Variants in RAD54B observed in about 807,000 individuals in gnomAD.
RAD54B encodes DNA repair and recombination protein RAD54B.
In RAD54B, 78 loss-of-function variants were observed where a neutral mutation model predicts 95.8. That is an observed-to-expected ratio of 0.81 (90% CI 0.68 to 0.98). The LOEUF (loss-of-function observed/expected upper bound fraction) is 0.98. Among genes scored for constraint, RAD54B ranks in the 50% least tolerant of loss-of-function variants. The pLI is 0.00. For missense variants in RAD54B, 957 were observed against 1,056.6 expected (o/e 0.91, Z 1.31); for synonymous variants, 328 against 354.9 (o/e 0.92, Z 0.85).
intron 3 of RAD54B, among the ~76,000 whole-genome samples, chr8:94,417,880 T>C (rs533592083): frequency 6.6e-6 from 1 of 152,308 alleles, no homozygotes; most frequent in South Asian, 2.1e-4. Flanking sequence ...CCACCAAAGT[T>C]GTTTTCTGAG....
At chr8:94,389,247 C>T (rs66514568) in intron 10 of RAD54B, among the ~76,000 whole-genome samples, 5,858 of 152,262 alleles carry the variant, frequency 0.038, 184 homozygotes, top group Non-Finnish European at 0.06. Flanking sequence ...GAGCCACCGC[C>T]CTGGCCAAGA....
intron 3 of RAD54B, among the ~76,000 whole-genome samples, chr8:94,438,438 T>C (rs1020892290): frequency 1.3e-5 from 2 of 152,204 alleles, no homozygotes; most frequent in Non-Finnish European, 2.9e-5. Context: ...CAAATGATTC[T>C]TGTCCATAGA....
chr8:94,423,893 T>C (rs1435573707), intron 3 of RAD54B, among the ~76,000 whole-genome samples: 1 of 152,232 alleles, frequency 6.6e-6, no homozygotes, highest in Non-Finnish European at 1.5e-5. Flanking sequence ...TGTGTTTCTC[T>C]GTTTTTATTA....
intron 13 of RAD54B, 85 bp downstream of exon 13, chr8:94,378,483 T>C (rs978657783): frequency 1.4e-6 from 2 of 1,431,260 alleles, no homozygotes; most frequent in South Asian, 1.3e-5. Context: ...TAACAATATA[T>C]TCCTGACACT....
chr8:94,460,949 C>G (rs1185463969), intron 2 of RAD54B, among the ~76,000 whole-genome samples: 2 of 152,004 alleles, frequency 1.3e-5, no homozygotes, highest in African/African-American at 2.4e-5. Flanking sequence ...TCAGATCATC[C>G]AGGGTAACCT....
chr8:94,432,796 C>T lies in RAD54B; in HGVS notation c.305-21481G>A, dbSNP rs1395963553. ...TTACAAAATAAAAAAAAATCTTAAA[C>T]ACTTGAAATACATTAAAGTGACTAA... On this transcript the variant is annotated intron_variant, in intron 3 of 14. Coordinates refer to ENST00000336148, the MANE Select transcript of RAD54B (RefSeq NM_012415.3). 1.6e-5 allele frequency: 18 copies of T among 1,131,238 alleles called. No individual in the cohort carries two copies. In the Admixed American group the frequency reaches 2.8e-4, roughly 18 times the overall value. 70.1% of individuals were successfully genotyped at this position (1,131,238 alleles called of 1,614,324 possible).
chr8:94,464,668 T>C (rs1460535424), intron 2 of RAD54B, among the ~76,000 whole-genome samples: 1 of 152,228 alleles, frequency 6.6e-6, no homozygotes, highest in Non-Finnish European at 1.5e-5. Context: ...CACTGAGTTG[T>C]AGTAAGTAGA....
At chr8:94,384,149 T>G (rs1810811646) in intron 11 of RAD54B, among the ~76,000 whole-genome samples, 1 of 151,648 alleles carries the variant, frequency 6.6e-6, no homozygotes, top group Admixed American at 6.6e-5. Context: ...TATCTATAAA[T>G]TAAAAAAAAA....
intron 3 of RAD54B, among the ~76,000 whole-genome samples, chr8:94,437,368 C>A (rs565952792): frequency 2.0e-5 from 3 of 152,138 alleles, no homozygotes; most frequent in Non-Finnish European, 4.4e-5. Context: ...GTAGTAATTC[C>A]TAACAGAGCC....
intron 10 of RAD54B, among the ~76,000 whole-genome samples, chr8:94,389,175 G>C (rs989167457): frequency 6.6e-6 from 1 of 152,068 alleles, no homozygotes; most frequent in Non-Finnish European, 1.5e-5. Context: ...GACTGGTCTC[G>C]AACTCTTGGC....
intron 1 of RAD54B, among the ~76,000 whole-genome samples, chr8:94,474,201 G>A (rs1013147473): frequency 1.3e-5 from 2 of 152,190 alleles, no homozygotes; most frequent in African/African-American, 2.4e-5. Flanking sequence ...ACAATAGACA[G>A]TGGAGACAAC....
chr8:94,422,965 G>A (rs1811859691), intron 3 of RAD54B, among the ~76,000 whole-genome samples: 1 of 150,670 alleles, frequency 6.6e-6, no homozygotes, highest in Non-Finnish European at 1.5e-5. Context: ...GGGACTAATT[G>A]GGAAAGAGAA....
intron 3 of RAD54B, among the ~76,000 whole-genome samples, chr8:94,447,437 T>G (rs1345236669): frequency 1.3e-5 from 2 of 152,210 alleles, no homozygotes; most frequent in African/African-American, 2.4e-5. Flanking sequence ...TTCTTTCACT[T>G]AATCATTTTA....
In RAD54B at chr8:94,372,192, G is replaced by A. The variant is rs1354452394; in HGVS notation, c.2711C>T (p.Thr904Ile). The A allele has an allele frequency of 6.2e-7, 1 of 1,610,296 alleles. No individual in the cohort carries two copies. The highest frequency in any genetic ancestry group is 1.7e-5 in the Admixed American group (1 of 58,950). Residue 904 changes from threonine (T) to isoleucine (I), a missense_variant, in exon 15 of 15, where the codon ACC (threonine) becomes ATC (isoleucine). Coordinates refer to ENST00000336148, the MANE Select transcript of RAD54B (RefSeq NM_012415.3). ...TCACTATGTGCCAGTAGCTTGAGTG[G>A]TTATATTCTGAAAAATGAATGACAC... is the stretch of plus-strand genomic sequence containing the variant. ...ENVSFIFQNI[T>I]TQATGT
intron 1 of RAD54B, among the ~76,000 whole-genome samples, chr8:94,468,573 C>G (rs1813087760): frequency 6.6e-6 from 1 of 151,914 alleles, no homozygotes; most frequent in African/African-American, 2.4e-5. Context: ...TGCCTGTAAT[C>G]CCAGCACTTC....
At chr8:94,377,507 G>A (rs1810611215) in intron 14 of RAD54B, among the ~76,000 whole-genome samples, 1 of 121,494 alleles carries the variant, frequency 8.2e-6, no homozygotes, top group Non-Finnish European at 1.6e-5. Context: ...CTGCACTCCA[G>A]CCTGGGCAAC....
intron 2 of RAD54B, among the ~76,000 whole-genome samples, chr8:94,461,429 A>G (rs1812901374): frequency 6.6e-6 from 1 of 151,634 alleles, no homozygotes. Flanking sequence ...TCAGCCTCCC[A>G]AAGTGCTGGG....
At chr8:94,468,898 G>C (rs1325566838) in intron 1 of RAD54B, among the ~76,000 whole-genome samples, 1 of 151,970 alleles carries the variant, frequency 6.6e-6, no homozygotes, top group East Asian at 1.9e-4. Context: ...CTGAGGTGAG[G>C]GGGATCCCTT....
At chr8:94,464,045 T>A (rs2919654) in intron 2 of RAD54B, among the ~76,000 whole-genome samples, 84,108 of 151,974 alleles carry the variant, frequency 0.55, 25,149 homozygotes, top group East Asian at 0.79. Context: ...TGAATAGATA[T>A]ATAAATTGTG....
Sources: gnomAD v4.1 joint callset for allele counts (sites outside exome capture counted in the v4.1 genomes callset) on GRCh38, gnomAD v4.1.1 for gene constraint, MANE v1.5 for transcripts, NCBI Gene and HGNC (gene_info 2026-07-23, HGNC 2026-07-21) for gene names.